Variants in DENND1A observed in about 807,000 individuals in gnomAD.
DENND1A encodes DENN domain containing 1A.
Under a neutral mutation model 113.7 loss-of-function variants are expected in DENND1A, and 51 were observed. The ratio of observed to expected loss-of-function variants is 0.45; its 90% CI spans 0.36 to 0.57. DENND1A has a LOEUF of 0.57. Ranked by LOEUF, DENND1A falls within the 20% of genes least tolerant of loss-of-function variation. The pLI is 0.00. For missense variants in DENND1A, 1,258 were observed against 1,395.9 expected (o/e 0.90, Z 1.57); for synonymous variants, 565 against 570.8 (o/e 0.99, Z 0.14).
chr9:123,528,185 T>C (rs1475118800), intron 13 of DENND1A, among the ~76,000 whole-genome samples: 1 of 152,230 alleles, frequency 6.6e-6, no homozygotes, highest in Non-Finnish European at 1.5e-5. Flanking sequence ...ATATCAAAGC[T>C]ATTCTCTGCA....
intron 1 of DENND1A, among the ~76,000 whole-genome samples, chr9:123,911,440 C>A (rs1346849937): frequency 1.3e-5 from 2 of 152,212 alleles, no homozygotes; most frequent in African/African-American, 4.8e-5. Flanking sequence ...GAAAGGAACA[C>A]TTTTGTTAAC....
intron 13 of DENND1A, among the ~76,000 whole-genome samples, chr9:123,458,463 CAG>C (rs2048299841): frequency 6.6e-6 from 1 of 152,080 alleles, no homozygotes; most frequent in Non-Finnish European, 1.5e-5. Flanking sequence ...GAAGCTGTTT[CAG>C]AGAGGAAGAG....
rs539483017 is a variant in DENND1A, at chr9:123,487,765, C to G, written c.994-29868G>C. The stretch of plus-strand genomic sequence containing the variant: ...AGAGGGGGGCTGGGGGAACAAAAGA[C>G]TTGTTCCCATTAAATGTAAGTACCA... On this transcript the variant is annotated intron_variant, in intron 13 of 23. Coordinates refer to ENST00000394215, the MANE Select transcript of DENND1A (RefSeq NM_001352964.2). 9.8e-5 allele frequency among the ~76,000 whole-genome samples: 15 copies of G among 152,330 alleles called. 1 individual carries two copies. The South Asian group carries it at 3.1e-3, about 32-fold the overall frequency.
At chr9:123,562,780 C>T (rs553802236) in intron 12 of DENND1A, among the ~76,000 whole-genome samples, 2 of 152,016 alleles carry the variant, frequency 1.3e-5, no homozygotes, top group Non-Finnish European at 2.9e-5. Flanking sequence ...GATGTCCCCC[C>T]ATCTGTGAAG....
rs540268896 is a variant in DENND1A at position 123,909,258 on chromosome 9, T to G, written c.17+20631A>C. The stretch of plus-strand genomic sequence containing the variant: ...GATATACCTAATGCTAGATGATGAG[T>G]TAGTGGGTGCAGCGCACCAGCATGG... On this transcript the variant is annotated intron_variant, in intron 1 of 23. Transcript: ENST00000394215. 1.6e-4 allele frequency among the ~76,000 whole-genome samples: 24 copies of G among 151,978 alleles called. No individual in the cohort carries two copies. In the South Asian group the frequency reaches 4.6e-3, roughly 29 times the overall value.
chr9:123,455,485 G>A (rs1042544315), intron 15 of DENND1A, among the ~76,000 whole-genome samples: 9 of 152,298 alleles, frequency 5.9e-5, no homozygotes, highest in Admixed American at 2.6e-4. Flanking sequence ...TAGTCACCAC[G>A]CCCTACTCTC....
intron 20 of DENND1A, among the ~76,000 whole-genome samples, chr9:123,410,597 G>A (rs1023814082): frequency 9.9e-5 from 15 of 152,172 alleles, no homozygotes; most frequent in Admixed American, 6.5e-4. Context: ...GGGAAGGGAA[G>A]GAAAACTGTG....
intron 5 of DENND1A, among the ~76,000 whole-genome samples, chr9:123,741,657 A>G (rs2069035358): frequency 6.6e-6 from 1 of 152,226 alleles, no homozygotes; most frequent in Non-Finnish European, 1.5e-5. Flanking sequence ...CTCCTCAATG[A>G]GTAAAATAGA....
chr9:123,887,541 T>A (rs1849270426), intron 1 of DENND1A, among the ~76,000 whole-genome samples: 1 of 150,870 alleles, frequency 6.6e-6, no homozygotes, highest in South Asian at 2.2e-4. Context: ...ACACAGGGTG[T>A]CAGAGCTGCA....
At chr9:123,411,946 C>T (rs531245116) in intron 19 of DENND1A, 117 bp from the exon 20 acceptor site, 314 of 550,386 alleles carry the variant, frequency 5.7e-4, no homozygotes, top group Middle Eastern at 8.9e-4. Context: ...GGGCCAACCT[C>T]GACGCCTCCT....
intron 5 of DENND1A, among the ~76,000 whole-genome samples, chr9:123,693,618 C>T (rs2065309907): frequency 6.6e-6 from 1 of 151,842 alleles, no homozygotes; most frequent in Admixed American, 6.6e-5. Context: ...TATATTTTAG[C>T]TTTTTTCCCT....
intron 19 of DENND1A, among the ~76,000 whole-genome samples, chr9:123,423,531 G>T (rs759288202): frequency 6.6e-5 from 10 of 152,176 alleles, no homozygotes; most frequent in Non-Finnish European, 1.5e-4. Flanking sequence ...CTCAAGGTCA[G>T]CGTGCAGGAG....
intron 9 of DENND1A, among the ~76,000 whole-genome samples, chr9:123,644,618 G>A (rs1589488338): frequency 6.6e-6 from 1 of 152,142 alleles, no homozygotes; most frequent in African/African-American, 2.4e-5. Context: ...GTTAAGTAAT[G>A]GCACCCAATA....
chr9:123,637,994 G>A (rs2061808527), intron 9 of DENND1A, among the ~76,000 whole-genome samples: 1 of 150,806 alleles, frequency 6.6e-6, no homozygotes, highest in Non-Finnish European at 1.5e-5. Context: ...CACCCAACAA[G>A]GAGTGAAGGA....
intron 5 of DENND1A, among the ~76,000 whole-genome samples, chr9:123,737,683 C>T (rs949260115): frequency 1.3e-5 from 2 of 152,122 alleles, no homozygotes; most frequent in Admixed American, 1.3e-4. Context: ...TTTCAAAATC[C>T]ACTCTTTCCA....
chr9:123,599,140 C>T (rs1033723776), intron 11 of DENND1A, among the ~76,000 whole-genome samples: 1 of 152,218 alleles, frequency 6.6e-6, no homozygotes, highest in African/African-American at 2.4e-5. Context: ...CCTGCAAAGG[C>T]CTGAACTTAG....
At chr9:123,829,530 C>T (rs1839877070) in intron 2 of DENND1A, among the ~76,000 whole-genome samples, 1 of 151,732 alleles carries the variant, frequency 6.6e-6, no homozygotes, top group Non-Finnish European at 1.5e-5. Flanking sequence ...TTCAAAAAAT[C>T]CTGAGGAAAT....
At chr9:123,741,008 A>G (rs2068976894) in intron 5 of DENND1A, among the ~76,000 whole-genome samples, 1 of 151,660 alleles carries the variant, frequency 6.6e-6, no homozygotes, top group African/African-American at 2.4e-5. Context: ...TTCAATAAGT[A>G]CTTATGTAGA....
intron 9 of DENND1A, among the ~76,000 whole-genome samples, chr9:123,648,811 G>C (rs1301278449): frequency 6.6e-6 from 1 of 152,092 alleles, no homozygotes; most frequent in African/African-American, 2.4e-5. Context: ...ATTTTTGTGT[G>C]TGTACAATAG....
Sources: allele counts gnomAD v4.1 joint callset (sites outside exome capture counted in the v4.1 genomes callset), GRCh38; gene constraint gnomAD v4.1.1; transcripts MANE v1.5; gene names NCBI Gene and HGNC (gene_info 2026-07-23, HGNC 2026-07-21).